The following ETV6 variants were observed in gnomAD, a reference collection of about 807,000 sequenced individuals.
The protein encoded by ETV6 is ETS variant transcription factor 6, also known as transcription factor ETV6.
Under a neutral mutation model 51.1 loss-of-function variants are expected in ETV6, and 16 were observed. The ratio of observed to expected loss-of-function variants is 0.31; its 90% CI spans 0.21 to 0.48. ETV6 has a LOEUF of 0.48. Among genes scored for constraint, ETV6 ranks in the 20% least tolerant of loss-of-function variants. The probability of loss-of-function intolerance (pLI) is 0.99; values close to 1 mark genes in which losing one functional copy is unlikely to be tolerated. For synonymous variants in ETV6, 240 were observed against 224.1 expected (o/e 1.07, Z -0.64); for missense variants, 458 against 594.8 (o/e 0.77, Z 2.39).
At chr12:11,757,742 G>A (rs1945028192) in intron 2 of ETV6, among the ~76,000 whole-genome samples, 1 of 152,218 alleles carries the variant, frequency 6.6e-6, no homozygotes, top group Admixed American at 6.5e-5. Context: ...GACCGCTGAA[G>A]TCTGGGCAGC....
chr12:11,748,671 C>T (rs563335816), intron 1 of ETV6, among the ~76,000 whole-genome samples: 1 of 152,176 alleles, frequency 6.6e-6, no homozygotes, highest in African/African-American at 2.4e-5. Flanking sequence ...TGTGGGGGAA[C>T]GTGGAGAAAT....
At chr12:11,671,772 C>G (rs1017134980) in intron 1 of ETV6, among the ~76,000 whole-genome samples, 1 of 152,144 alleles carries the variant, frequency 6.6e-6, no homozygotes, top group African/African-American at 2.4e-5. Context: ...TCTCCTGACT[C>G]CCACCAGTGT....
chr12:11,656,725 G>T (rs1461391570), intron 1 of ETV6, among the ~76,000 whole-genome samples: 9 of 152,130 alleles, frequency 5.9e-5, no homozygotes, highest in Admixed American at 5.2e-4. Flanking sequence ...TCATGAAGCG[G>T]TTGGAAATCT....
chr12:11,857,275 G>A (rs999099055), intron 4 of ETV6, among the ~76,000 whole-genome samples: 4 of 152,142 alleles, frequency 2.6e-5, no homozygotes, highest in African/African-American at 7.2e-5. Flanking sequence ...TCATGCCTTC[G>A]TTAGTAGCCA....
intron 5 of ETV6, among the ~76,000 whole-genome samples, chr12:11,878,826 G>GA (rs1947037482): frequency 3.2e-5 from 2 of 62,832 alleles, no homozygotes; most frequent in Admixed American, 1.5e-4. Context: ...GGAGGAGGAG[G>GA]GGAAAAAAAA....
At chr12:11,651,817 C>T (rs1485907233) in intron 1 of ETV6, among the ~76,000 whole-genome samples, 1 of 152,180 alleles carries the variant, frequency 6.6e-6, no homozygotes, top group East Asian at 1.9e-4. Flanking sequence ...CTGCCAACTA[C>T]AGATCAGTAA....
At chr12:11,830,741 T>G (rs576200386) in intron 2 of ETV6, among the ~76,000 whole-genome samples, 1 of 152,356 alleles carries the variant, frequency 6.6e-6, no homozygotes, top group South Asian at 2.1e-4. Context: ...CAAAATCCCC[T>G]TCAGCTACAT....
intron 1 of ETV6, among the ~76,000 whole-genome samples, chr12:11,729,032 C>T (rs779285121): frequency 1.3e-5 from 2 of 152,192 alleles, no homozygotes; most frequent in Non-Finnish European, 2.9e-5. Context: ...CTTTGACATA[C>T]ATTCTCTATT....
chr12:11,831,221 CTG>C (rs1321145343), intron 2 of ETV6, among the ~76,000 whole-genome samples: 1 of 151,806 alleles, frequency 6.6e-6, no homozygotes, highest in Non-Finnish European at 1.5e-5. Flanking sequence ...CTGTGTGTGT[CTG>C]TGTGTGTGTT....
At chr12:11,729,415 T>TC (rs1006958184) in intron 1 of ETV6, among the ~76,000 whole-genome samples, 46 of 152,284 alleles carry the variant, frequency 3.0e-4, no homozygotes, top group Admixed American at 2.9e-3. Context: ...CCATGTGGGA[T>TC]CAGGTGGGGG....
intron 1 of ETV6, among the ~76,000 whole-genome samples, chr12:11,736,071 C>G (rs1865698520): frequency 1.3e-5 from 2 of 152,184 alleles, no homozygotes; most frequent in South Asian, 4.1e-4. Context: ...TTTTCCTTTT[C>G]CCTTAAGTAA....
chr12:11,678,595 A>G (rs1425146460), intron 1 of ETV6, among the ~76,000 whole-genome samples: 4 of 152,166 alleles, frequency 2.6e-5, no homozygotes, highest in Non-Finnish European at 5.9e-5. Flanking sequence ...AAGAATTAAT[A>G]TGAGTTATGA....
intron 2 of ETV6, among the ~76,000 whole-genome samples, chr12:11,795,887 C>T (rs1000866244): frequency 6.6e-6 from 1 of 152,092 alleles, no homozygotes; most frequent in South Asian, 2.1e-4. Flanking sequence ...ATGTAAAACA[C>T]TTAGTACAGT....
At chr12:11,742,391 TCCTAAGAATCAGG>T (rs1469524919) in intron 1 of ETV6, among the ~76,000 whole-genome samples, 26 of 152,218 alleles carry the variant, frequency 1.7e-4, no homozygotes, top group African/African-American at 4.1e-4. Flanking sequence ...GAGTCCCTAT[TCCTAAGAATCAGG>T]AAATTTCTAT....
chr12:11,749,741 T>G (rs773028874), intron 1 of ETV6, among the ~76,000 whole-genome samples: 1 of 152,016 alleles, frequency 6.6e-6, no homozygotes, highest in South Asian at 2.1e-4. Context: ...TGTGTTTTGT[T>G]CTCCTTGGAA....
Position 11,894,877 on chromosome 12 carries a change from T to C in ETV6, c.*3831T>C, listed in dbSNP as rs1318150490. 1 of 233,424 alleles carries C rather than the reference T, an allele frequency of 4.3e-6. No homozygotes were observed. 14.5% of individuals were successfully genotyped at this position (233,424 alleles called of 1,614,324 possible). The stretch of plus-strand genomic sequence containing the variant: ...ACCCAGGAAACTGAAGATAAAAGAT[T>C]TGGGAAAACACACCAAGAAAAAGGG... On this transcript the variant is annotated 3_prime_UTR_variant, in exon 8 of 8. Coordinates refer to ENST00000396373, the MANE Select transcript of ETV6 (RefSeq NM_001987.5).
At chr12:11,874,827 A>G (rs1946954347) in intron 5 of ETV6, among the ~76,000 whole-genome samples, 2 of 146,960 alleles carry the variant, frequency 1.4e-5, no homozygotes, top group South Asian at 2.2e-4. Context: ...GTTCTCACTC[A>G]TAGGTGGGAA....
intron 1 of ETV6, among the ~76,000 whole-genome samples, chr12:11,657,222 G>A (rs1382459143): frequency 6.6e-6 from 1 of 152,192 alleles, no homozygotes; most frequent in Admixed American, 6.5e-5. Flanking sequence ...AGGAAACTGA[G>A]TCTTGTGGCG....
chr12:11,797,612 C>G (rs1348261563), intron 2 of ETV6, among the ~76,000 whole-genome samples: 2 of 152,138 alleles, frequency 1.3e-5, no homozygotes, highest in Non-Finnish European at 2.9e-5. Context: ...GCAGGAGTGA[C>G]TCAATACTGG....
Sources: gnomAD v4.1 joint callset for allele counts (sites outside exome capture counted in the v4.1 genomes callset) on GRCh38, gnomAD v4.1.1 for gene constraint, MANE v1.5 for transcripts, NCBI Gene and HGNC (gene_info 2026-07-23, HGNC 2026-07-21) for gene names.